The following FLNB variants were observed in gnomAD, a reference collection of about 807,000 sequenced individuals.
The protein encoded by FLNB is filamin-B.
In FLNB, 111 loss-of-function variants were observed where a neutral mutation model predicts 250.6. That is an observed-to-expected ratio of 0.44 (90% confidence interval 0.38 to 0.52). The LOEUF is 0.52. FLNB is among the 20% of genes least tolerant of loss of function. FLNB has a pLI of 0.00. For synonymous variants in FLNB, 1,302 were observed against 1,372.1 expected (o/e 0.95, Z 1.13); for missense variants, 2,869 against 3,447.8 (o/e 0.83, Z 4.20).
At chr3:58,036,592 A>C (rs1248116851) in intron 1 of FLNB, among the ~76,000 whole-genome samples, 1 of 152,210 alleles carries the variant, frequency 6.6e-6, no homozygotes, top group Admixed American at 6.5e-5. Context: ...TAAGTTTTAC[A>C]GTAGTGATGT....
In FLNB at chr3:58,130,918, C is replaced by T; in HGVS notation, c.4390+10C>T. ...GTTCTGGGCCCACGAGGTAAGTGTG[C>T]ACCCTGCCTTCCTGCAGACATTCAT... On this transcript the variant is annotated intron_variant, in intron 25 of 45. Coordinates refer to ENST00000295956, the MANE Select transcript of FLNB (RefSeq NM_001457.4). The T allele has an allele frequency of 1.2e-6, 2 of 1,607,742 alleles. No homozygotes were observed. Among genetic ancestry groups the T allele is most frequent in the Non-Finnish European group, 1.7e-6 (2 of 1,177,530 alleles).
At chr3:58,089,797 T>G (rs1467677337) in intron 4 of FLNB, among the ~76,000 whole-genome samples, 1 of 152,164 alleles carries the variant, frequency 6.6e-6, no homozygotes, top group East Asian at 1.9e-4. Flanking sequence ...ATTGGTTGTT[T>G]TGTTCTGAGG....
chr3:58,112,839 G>A (rs1287443515), intron 18 of FLNB, among the ~76,000 whole-genome samples: 1 of 152,136 alleles, frequency 6.6e-6, no homozygotes, highest in Non-Finnish European at 1.5e-5. Context: ...AGCCAGTTCA[G>A]CCTTTCGTCC....
chr3:58,042,721 G>T (rs908186941), intron 1 of FLNB, among the ~76,000 whole-genome samples: 2 of 152,008 alleles, frequency 1.3e-5, no homozygotes, highest in African/African-American at 2.4e-5. Context: ...GTTTTGCCAT[G>T]TTGCCCAGGC....
intron 12 of FLNB, among the ~76,000 whole-genome samples, 199 bp from the exon 13 acceptor site, chr3:58,108,259 C>T (rs1040405041): frequency 1.3e-5 from 2 of 152,194 alleles, no homozygotes; most frequent in African/African-American, 4.8e-5. Flanking sequence ...AGTTTTCTCC[C>T]TTATGAGGGA....
intron 32 of FLNB, among the ~76,000 whole-genome samples, chr3:58,143,979 G>GTGGAAGAAGAGGACCAGCAGCCC (rs569080375): frequency 2.0e-5 from 3 of 152,280 alleles, no homozygotes; most frequent in African/African-American, 4.8e-5. Context: ...CAGGTCAGAG[G>GTGGAAGAAGAGGACCAGCAGCCC]TGGAAGAAGA....
intron 1 of FLNB, among the ~76,000 whole-genome samples, chr3:58,038,710 G>A (rs1034522107): frequency 2.0e-5 from 3 of 151,984 alleles, no homozygotes; most frequent in Non-Finnish European, 2.9e-5. Context: ...TTACAGGAGC[G>A]AGCCACTGTG....
chr3:58,043,399 G>C (rs914131316), intron 1 of FLNB, among the ~76,000 whole-genome samples: 16 of 152,018 alleles, frequency 1.1e-4, no homozygotes, highest in Admixed American at 7.2e-4. Flanking sequence ...ACTTGAGCTG[G>C]CTTAAGTGAA....
intron 1 of FLNB, among the ~76,000 whole-genome samples, chr3:58,043,457 T>A (rs2097149163): frequency 6.6e-6 from 1 of 152,156 alleles, no homozygotes; most frequent in African/African-American, 2.4e-5. Context: ...TAGTGGCAAG[T>A]TGTAGAAACC....
Position 58,104,037 on chromosome 3 carries a change from G to C in FLNB, c.1562G>C (p.Gly521Ala). 6.2e-7 allele frequency: 1 copy of C among 1,613,952 alleles called. No homozygotes were observed. Among genetic ancestry groups the C allele is most frequent in the African/African-American group, 1.3e-5 (1 of 74,950 alleles). The change falls in exon 10 of 46, where the codon GGG becomes GCG. Residue 521 changes from glycine to alanine, a missense_variant. Transcript: ENST00000295956. ...YAFEYYPSTPGRYSIAITWGG... is the reference protein window; with the variant it reads ...YAFEYYPSTPARYSIAITWGG... ...TTCGAGTATTACCCCAGCACCCCGG[G>C]GAGATACAGCATTGCCATCACATGG...
chr3:58,125,878 T>C (rs1021556753), intron 23 of FLNB, 135 bp downstream of exon 23: 102 of 843,670 alleles, frequency 1.2e-4, no homozygotes, highest in Non-Finnish European at 3.8e-5. Context: ...TAGAGACTTA[T>C]GTTACATAGA....
intron 1 of FLNB, among the ~76,000 whole-genome samples, chr3:58,061,672 G>A (rs1326900364): frequency 6.6e-6 from 1 of 151,556 alleles, no homozygotes; most frequent in Non-Finnish European, 1.5e-5. Context: ...CTCAGAGGTC[G>A]AGGTTGCAGT....
At chr3:58,076,963 G>T (rs775520705) in intron 1 of FLNB, 83 bp from the exon 2 acceptor site, 16 of 1,451,412 alleles carry the variant, frequency 1.1e-5, no homozygotes, top group Non-Finnish European at 1.5e-5. Context: ...AATAGTTGAA[G>T]ACTCCATTTA....
chr3:58,062,112 G>A (rs1461199732), intron 1 of FLNB, among the ~76,000 whole-genome samples: 2 of 152,046 alleles, frequency 1.3e-5, no homozygotes, highest in Admixed American at 6.6e-5. Flanking sequence ...AAAAAATCAA[G>A]CAATGCAGAA....
At chr3:58,041,688 C>T (rs1054108119) in intron 1 of FLNB, among the ~76,000 whole-genome samples, 3 of 152,202 alleles carry the variant, frequency 2.0e-5, no homozygotes, top group Non-Finnish European at 2.9e-5. Context: ...GAGCCAGTAG[C>T]CTTGACCCAG....
intron 16 of FLNB, among the ~76,000 whole-genome samples, chr3:58,110,443 GTTTTTATT>G (rs1238722726): frequency 1.4e-5 from 2 of 146,336 alleles, no homozygotes; most frequent in Non-Finnish European, 3.0e-5. Flanking sequence ...TTTTTAATTT[GTTTTTATT>G]TTTTTATTTT....
rs2097243740 is a variant in FLNB at position 58,098,764 on chromosome 3, A to T, written c.1201A>T (p.Thr401Ser). ...GGTGGAAGATCCCCAGGGGAAGAAC[A>T]CCGTGGAGTTGCTCGTGGAAGACAA... ...VEVEDPQGKN[T>S]VELLVEDKGN... Residue 401 changes from threonine to serine, a missense_variant, in exon 8 of 46, where the codon ACC becomes TCC. Physicochemically the swap from Thr to Ser is moderately conservative, Grantham distance 58 (BLOSUM62 1). Transcript: ENST00000295956. 1 of 1,614,032 alleles carries T rather than the reference A, an allele frequency of 6.2e-7. No individual in the cohort carries two copies. Among genetic ancestry groups the T allele is most frequent in the Admixed American group, 1.7e-5 (1 of 59,988 alleles).
chr3:58,144,472 G>C (rs1476580326), intron 32 of FLNB, among the ~76,000 whole-genome samples: 1 of 152,224 alleles, frequency 6.6e-6, no homozygotes, highest in Non-Finnish European at 1.5e-5. Flanking sequence ...CTTCCCTCAT[G>C]TGGACGAACC....
rs2097243678 is a variant in FLNB at position 58,098,723 on chromosome 3, G to A, written c.1160G>A (p.Gly387Asp). ...FDIYTAGAGV[G>D]DIGVEVEDPQ... ...TGCTTTCTTGTAGGAGCTGGTGTGGGTGACATTGGTGTGGAGGTGGAAGAT... is the reference window on the plus strand; with the variant it reads ...TGCTTTCTTGTAGGAGCTGGTGTGGATGACATTGGTGTGGAGGTGGAAGAT... Residue 387 changes from glycine to aspartate, a missense_variant, in exon 8 of 46, where the codon GGT (glycine) becomes GAT (aspartate). Coordinates refer to ENST00000295956, the MANE Select transcript of FLNB (RefSeq NM_001457.4). 2 of 1,613,992 alleles carry A rather than the reference G, an allele frequency of 1.2e-6. No homozygotes were observed. Among genetic ancestry groups the A allele is most frequent in the Non-Finnish European group, 1.7e-6 (2 of 1,180,004 alleles).
Sources: allele counts gnomAD v4.1 joint callset (sites outside exome capture counted in the v4.1 genomes callset), GRCh38; gene constraint gnomAD v4.1.1; transcripts MANE v1.5; gene names NCBI Gene and HGNC (gene_info 2026-07-23, HGNC 2026-07-21).